LATS2: variants seen among roughly 807,000 people sequenced by gnomAD.
LATS2 encodes the protein large tumor suppressor kinase 2, also known as serine/threonine-protein kinase LATS2.
A neutral mutation model predicts 76.0 loss-of-function variants in LATS2; 24 were observed. The observed-to-expected ratio is 0.32, with a 90% CI of 0.23 to 0.44. The LOEUF is 0.44. Ranked by LOEUF, LATS2 falls within the 20% of genes least tolerant of loss-of-function variation. The pLI is 1.00. For synonymous variants in LATS2, 692 were observed against 635.4 expected, an observed-to-expected ratio of 1.09 and a Z score of -1.34; for missense variants, 1,286 against 1,481.2, an observed-to-expected ratio of 0.87 and a Z score of 2.16.
chr13:21,053,912 G>A (rs934817434), intron 1 of LATS2, among the ~76,000 whole-genome samples: 4 of 152,116 alleles, frequency 2.6e-5, no homozygotes, highest in African/African-American at 9.7e-5. Context: ...CAGAAGAAAG[G>A]GGAACAGGGA....
intron 3 of LATS2, among the ~76,000 whole-genome samples, chr13:20,990,489 A>ATTTTTTTTC (rs1870460989): frequency 5.1e-5 from 1 of 19,668 alleles, no homozygotes; most frequent in Non-Finnish European, 2.0e-4. Context: ...TTTTTTTTTA[A>ATTTTTTTTC]ATACAGACGA....
intron 2 of LATS2, among the ~76,000 whole-genome samples, chr13:21,007,488 C>G (rs1394083831): frequency 7.9e-6 from 1 of 126,080 alleles, no homozygotes; most frequent in Non-Finnish European, 1.6e-5. Context: ...TTCTTCCAAT[C>G]AGAGCCAAGG....
At chr13:21,049,185 T>G (rs1475297033) in intron 1 of LATS2, among the ~76,000 whole-genome samples, 2 of 151,740 alleles carry the variant, frequency 1.3e-5, no homozygotes, top group African/African-American at 2.4e-5. Flanking sequence ...GTAGTGGGGG[T>G]GTCTCGTGGG....
intron 2 of LATS2, among the ~76,000 whole-genome samples, chr13:21,022,559 TC>T (rs1872112445): frequency 6.6e-6 from 1 of 152,190 alleles, no homozygotes; most frequent in Non-Finnish European, 1.5e-5. Context: ...ACACACCTTG[TC>T]CCTCATTCAA....
intron 1 of LATS2, among the ~76,000 whole-genome samples, chr13:21,055,400 T>C (rs530759264): frequency 1.3e-5 from 2 of 152,300 alleles, no homozygotes; most frequent in Non-Finnish European, 2.9e-5. Flanking sequence ...AGTAACAAAC[T>C]ACAAACACTG....
chr13:21,047,882 T>TC (rs1873128867), intron 1 of LATS2, among the ~76,000 whole-genome samples: 1 of 152,150 alleles, frequency 6.6e-6, no homozygotes, highest in Admixed American at 6.5e-5. Flanking sequence ...GTTTTAACTA[T>TC]CCCCTTTCTC....
In LATS2 at chr13:20,988,534, G is replaced by A. The variant is rs766891263; in HGVS notation, c.1246C>T (p.Pro416Ser). The A allele has an allele frequency of 1.9e-6, 3 of 1,572,878 alleles. No homozygotes were observed. Among genetic ancestry groups the A allele is most frequent in the East Asian group, 2.3e-5 (1 of 43,938 alleles). ...GGCTCGGCCTTGCCAGGCGGACCGG[G>A]CCGCGGCTGGTGGCTGTTGAAGGAG... ...TNSFNSHQPR[P>S]GPPGKAEPSL... The change falls in exon 4 of 8, where the codon CCC becomes TCC. Residue 416 changes from proline (P) to serine (S), a missense_variant. Physicochemically the swap from Pro to Ser is moderately conservative, Grantham distance 74. This residue lies in a region of LATS2 where 710 missense variants were observed against 660.9 expected (regional missense o/e 1.07). Coordinates refer to ENST00000382592, the MANE Select transcript of LATS2 (RefSeq NM_014572.3).
At chr13:20,989,368 C>G in intron 3 of LATS2, 64 bp from the exon 4 acceptor site, 1 of 1,562,198 alleles carries the variant, frequency 6.4e-7, no homozygotes, top group Non-Finnish European at 8.8e-7. Flanking sequence ...CTGGCACTTC[C>G]AGGCTGGTCC....
intron 6 of LATS2, 57 bp from the exon 7 acceptor site, chr13:20,979,854 A>G: frequency 1.0e-6 from 1 of 963,042 alleles, no homozygotes; most frequent in South Asian, 1.4e-5. Flanking sequence ...TCCGAGGTGA[A>G]TTTCATTAAG....
At chr13:21,021,556 A>G (rs1239488589) in intron 2 of LATS2, among the ~76,000 whole-genome samples, 1 of 152,014 alleles carries the variant, frequency 6.6e-6, no homozygotes, top group Non-Finnish European at 1.5e-5. Flanking sequence ...GGAGAAAACA[A>G]AACCCTTTGC....
intron 2 of LATS2, among the ~76,000 whole-genome samples, chr13:21,011,737 T>A (rs1256699915): frequency 6.6e-6 from 1 of 152,262 alleles, no homozygotes; most frequent in Non-Finnish European, 1.5e-5. Flanking sequence ...AATACAGTCA[T>A]GCATTCCTTA....
chr13:21,012,031 A>T (rs1243597490), intron 2 of LATS2, among the ~76,000 whole-genome samples: 1 of 151,490 alleles, frequency 6.6e-6, no homozygotes, highest in Non-Finnish European at 1.5e-5. Flanking sequence ...GCCAGGAATC[A>T]TTTTTTTTTC....
Position 21,045,821 on chromosome 13 carries a change from T to G in LATS2, c.206A>C (p.Lys69Thr). 6.2e-7 allele frequency: 1 copy of G among 1,614,228 alleles called. No homozygotes were observed. Among genetic ancestry groups the G allele is most frequent in the Non-Finnish European group, 8.5e-7 (1 of 1,180,036 alleles). ...CAAGGCTTTCTGATAAGGTCCGAAC[T>G]TTGGGGTGGCTCTCATCTGCTGCTG... ...RQQQQMRATP[K>T]FGPYQKALRE... The change falls in exon 2 of 8, where the codon AAG (lysine) becomes ACG (threonine). Residue 69 changes from lysine (K) to threonine (T), a missense_variant. By Grantham distance (78) the Lys-to-Thr change is moderately conservative. Coordinates refer to ENST00000382592, the MANE Select transcript of LATS2 (RefSeq NM_014572.3).
chr13:21,036,464 T>A (rs1266286192), intron 2 of LATS2, among the ~76,000 whole-genome samples: 1 of 151,836 alleles, frequency 6.6e-6, no homozygotes, highest in Non-Finnish European at 1.5e-5. Flanking sequence ...ATCACACACA[T>A]CCATTACTGC....
chr13:20,985,473 T>G (rs1870099123), intron 4 of LATS2, among the ~76,000 whole-genome samples: 1 of 152,224 alleles, frequency 6.6e-6, no homozygotes, highest in Non-Finnish European at 1.5e-5. Flanking sequence ...ATATGGTGGC[T>G]CACGCCTGTA....
At chr13:21,010,005 G>C (rs1318677220) in intron 2 of LATS2, among the ~76,000 whole-genome samples, 1 of 152,146 alleles carries the variant, frequency 6.6e-6, no homozygotes, top group Non-Finnish European at 1.5e-5. Context: ...TTCGAGACCA[G>C]CCTGGCCAAC....
intron 2 of LATS2, among the ~76,000 whole-genome samples, chr13:21,041,773 G>C (rs1254440047): frequency 6.6e-6 from 1 of 152,072 alleles, no homozygotes; most frequent in Non-Finnish European, 1.5e-5. Context: ...ATTCTAAGGG[G>C]TCCAGGGGGC....
At chr13:20,996,858 G>C (rs1870779984) in intron 2 of LATS2, among the ~76,000 whole-genome samples, 1 of 152,178 alleles carries the variant, frequency 6.6e-6, no homozygotes, top group Admixed American at 6.5e-5. Flanking sequence ...GCTACCCTCT[G>C]GGCTATTCTT....
At chr13:21,004,629 C>A (rs188019219) in intron 2 of LATS2, among the ~76,000 whole-genome samples, 1 of 152,264 alleles carries the variant, frequency 6.6e-6, no homozygotes, top group East Asian at 1.9e-4. Flanking sequence ...CTTCCTGGCC[C>A]CCTGCCTCCA....
Sources: gnomAD v4.1 joint callset for allele counts (sites outside exome capture counted in the v4.1 genomes callset) on GRCh38, gnomAD v4.1.1 for gene constraint, gnomAD v4.1.1 regional missense constraint, MANE v1.5 for transcripts, NCBI Gene and HGNC (gene_info 2026-07-23, HGNC 2026-07-21) for gene names.